AKNA: variants seen among roughly 807,000 people sequenced by gnomAD.
AKNA encodes AT-hook transcription factor.
Under a neutral mutation model 138.8 loss-of-function variants are expected in AKNA, and 67 were observed. The observed-to-expected ratio is 0.48, with a 90% CI of 0.40 to 0.59. The LOEUF is 0.59. Ranked by LOEUF, AKNA falls within the 20% of genes least tolerant of loss-of-function variation. AKNA has a pLI of 0.00. For synonymous variants in AKNA, 737 were observed against 754.4 expected, an observed-to-expected ratio of 0.98 and a Z score of 0.38; for missense variants, 1,813 against 1,880.4, an observed-to-expected ratio of 0.96 and a Z score of 0.66.
downstream of AKNA, chr9:114,330,707 C>T (rs1829836315): frequency 1.9e-6 from 3 of 1,598,166 alleles, 1 homozygote; most frequent in African/African-American, 2.7e-5. Context: ...CTCCACCAGA[C>T]TCTTGCCCCG....
Position 114,337,013 on chromosome 9 carries a change from G to GGGGGGGGGGGGGCGC in AKNA, c.*40_*41insGCGCCCCCCCCCCCC. On this transcript the variant is annotated 3_prime_UTR_variant, in exon 22 of 22. Transcript: ENST00000374088. ...CCACTCCTGGCCTGGCAGGCCACCT[G>GGGGGGGGGGGGGCGC]CCCACCCACCCACCCATCTGCCTCT... is the stretch of plus-strand genomic sequence containing the variant. 1 of 1,185,370 alleles carries GGGGGGGGGGGGGCGC rather than the reference G, an allele frequency of 8.4e-7. No homozygotes were observed. Among genetic ancestry groups the GGGGGGGGGGGGGCGC allele is most frequent in the Non-Finnish European group, 1.1e-6 (1 of 921,704 alleles). 73.4% of individuals were successfully genotyped at this position (1,185,370 alleles called of 1,614,324 possible). A position where few individuals can be genotyped will look rare whatever the true frequency, so the allele number is the denominator to read the frequency against.
chr9:114,365,125 G>A (rs994641657), intron 6 of AKNA, among the ~76,000 whole-genome samples: 4 of 152,038 alleles, frequency 2.6e-5, no homozygotes, highest in African/African-American at 9.7e-5. Flanking sequence ...GCTTATATAC[G>A]ATATACTATC....
At chr9:114,354,809 AAC>A (rs1022218461) in intron 14 of AKNA, among the ~76,000 whole-genome samples, 2 of 152,088 alleles carry the variant, frequency 1.3e-5, no homozygotes, top group African/African-American at 4.8e-5. Context: ...ATAAACCAGT[AAC>A]AGAGTCATTA....
intron 16 of AKNA, 22 bp downstream of exon 16, chr9:114,347,694 GACAGAGGT>G: frequency 6.7e-7 from 1 of 1,500,346 alleles, no homozygotes; most frequent in Non-Finnish European, 8.9e-7. Context: ...CTGCCACCAG[GACAGAGGT>G]GGGAGTTTTG....
chr9:114,337,012 T>TTGGGGGGGGGGGGGGGGGGG lies in AKNA; in HGVS notation c.*41_*42insCCCCCCCCCCCCCCCCCCCA. 28 of 1,208,218 alleles carry TTGGGGGGGGGGGGGGGGGGG rather than the reference T, an allele frequency of 2.3e-5. No homozygotes were observed. Among genetic ancestry groups the TTGGGGGGGGGGGGGGGGGGG allele is most frequent in the Non-Finnish European group, 2.5e-5 (23 of 929,344 alleles). 74.8% of individuals were successfully genotyped at this position (1,208,218 alleles called of 1,614,324 possible). Reference sequence around the variant, plus strand: ...CCCACTCCTGGCCTGGCAGGCCACCTGCCCACCCACCCACCCATCTGCCTC... The same window carrying TTGGGGGGGGGGGGGGGGGGG: ...CCCACTCCTGGCCTGGCAGGCCACCTTGGGGGGGGGGGGGGGGGGGGCCCACCCACCCACCCATCTGCCTC... On this transcript the variant is annotated 3_prime_UTR_variant, in exon 22 of 22. Coordinates refer to ENST00000374088, the MANE Select transcript of AKNA (RefSeq NM_001317950.2).
chr9:114,364,539 G>A (rs1832200144), intron 7 of AKNA, 21 bp downstream of exon 7: 2 of 1,613,332 alleles, frequency 1.2e-6, no homozygotes, highest in East Asian at 2.2e-5. Flanking sequence ...TTCCATGGGT[G>A]GCTCCTGAAT....
upstream of AKNA, chr9:114,396,641 T>G (rs1037647724): frequency 6.7e-6 from 1 of 149,722 alleles, no homozygotes; most frequent in Non-Finnish European, 1.5e-5. Flanking sequence ...ATCGCGCCAC[T>G]GCACTCCAGC....
chr9:114,383,541 G>A (rs1833832834), intron 1 of AKNA, among the ~76,000 whole-genome samples: 1 of 152,168 alleles, frequency 6.6e-6, no homozygotes, highest in Non-Finnish European at 1.5e-5. Flanking sequence ...AGAGGGGAGA[G>A]GCCTTGCCTA....
At position 114,381,210 on chromosome 9, in the gene AKNA, C is replaced by T. The variant is rs1328442005; in HGVS notation, c.124G>A (p.Glu42Lys). 6.2e-7 allele frequency: 1 copy of T among 1,614,194 alleles called. No individual in the cohort carries two copies. The highest frequency in any genetic ancestry group is 8.5e-7 in the Non-Finnish European group (1 of 1,180,018). The change falls in exon 2 of 22, where the codon GAA (glutamate) becomes AAA (lysine). Residue 42 changes from glutamate to lysine, a missense_variant. Physicochemically the swap from Glu to Lys is moderately conservative, Grantham distance 56. Transcript: ENST00000374088. ...GCATTGGGAAAGAGTCTCTCTTCTT[C>T]CCAGCTTTGTGAACTACTTCTATCC... Reference protein sequence around the residue: ...DVDRSSSQSWEEERLFPNATS... With the variant: ...DVDRSSSQSWKEERLFPNATS...
intron 15 of AKNA, chr9:114,348,799 C>T (rs2131834465): frequency 4.4e-6 from 2 of 452,166 alleles, no homozygotes; most frequent in Admixed American, 2.4e-5. Context: ...GAGCCAGGCT[C>T]AGCAAAGCCA....
At position 114,358,111 on chromosome 9, in the gene AKNA, G is replaced by A; in HGVS notation, c.2549C>T (p.Ala850Val). ...MKPPGFQASL[A>V]RDGHMSGLGK... ...CAGGCCTGACATGTGCCCGTCTCTA[G>A]CCAGGGATGCCTGGAAACCTGGTGG... Residue 850 changes from alanine (A) to valine (V), a missense_variant, in exon 12 of 22, where the codon GCT becomes GTT. Coordinates refer to ENST00000374088, the MANE Select transcript of AKNA (RefSeq NM_001317950.2). 1.9e-6 allele frequency: 3 copies of A among 1,614,234 alleles called. No individual in the cohort carries two copies. The highest frequency in any genetic ancestry group is 2.5e-6 in the Non-Finnish European group (3 of 1,180,028).
chr9:114,347,506 T>C (rs1001592954), intron 16 of AKNA, among the ~76,000 whole-genome samples: 2 of 152,232 alleles, frequency 1.3e-5, no homozygotes, highest in Non-Finnish European at 2.9e-5. Context: ...CATGAGCCAC[T>C]GCGCCCGGCC....
Position 114,362,431 on chromosome 9 carries a change from T to C in AKNA, c.1891A>G (p.Thr631Ala). The C allele has an allele frequency of 6.2e-7, 1 of 1,612,280 alleles. No individual in the cohort carries two copies. ...CTGCGAGGATCAAATCTTCCAGGCG[T>C]CCCCTTGGAGCCGGCAAGCGGCTGG... ...PAQPLAGSKG[T>A]PGRFDPRREL... The change falls in exon 8 of 22, where the codon ACG becomes GCG. Residue 631 changes from threonine to alanine, a missense_variant. By Grantham distance (58) the Thr-to-Ala change is moderately conservative. Coordinates refer to ENST00000374088, the MANE Select transcript of AKNA (RefSeq NM_001317950.2).
At chr9:114,373,267 C>T (rs540638184) in intron 4 of AKNA, among the ~76,000 whole-genome samples, 1 of 152,278 alleles carries the variant, frequency 6.6e-6, no homozygotes, top group Admixed American at 6.5e-5. Flanking sequence ...GTGCAGAATT[C>T]ACAGCCTCCT....
At chr9:114,360,873 C>T (rs1044443501) in intron 9 of AKNA, among the ~76,000 whole-genome samples, 1 of 152,188 alleles carries the variant, frequency 6.6e-6, no homozygotes, top group African/African-American at 2.4e-5. Context: ...CAGCCTTCTA[C>T]AAAGCCCCTT....
intron 6 of AKNA, among the ~76,000 whole-genome samples, chr9:114,364,838 T>A (rs1832226515): frequency 6.6e-6 from 1 of 152,140 alleles, no homozygotes; most frequent in Non-Finnish European, 1.5e-5. Context: ...AGGAATTTAC[T>A]GACAACAAAG....
chr9:114,347,725 T>G lies in AKNA; in HGVS notation c.3397A>C (p.Ser1133Arg). The G allele has an allele frequency of 6.6e-7, 1 of 1,520,362 alleles. No homozygotes were observed. Among genetic ancestry groups the G allele is most frequent in the East Asian group, 2.5e-5 (1 of 39,404 alleles). 94.2% of individuals were successfully genotyped at this position (1,520,362 alleles called of 1,614,324 possible). A position where few individuals can be genotyped will look rare whatever the true frequency, so the allele number is the denominator to read the frequency against. Residue 1133 changes from serine (S) to arginine (R), a missense_variant and splice_region_variant, in exon 16 of 22, where the codon AGT becomes CGT. By Grantham distance (110) the Ser-to-Arg change is moderately radical. Transcript: ENST00000374088. ...GGTGGGAGTTTTGAGGTCACCCACC[T>G]GCCATAATGGGAGCCCCAGGTGGCT... is the stretch of plus-strand genomic sequence containing the variant. ...SPATWGSHYG[S>R]KSTERLPGEP... is the part of the protein sequence containing the mutation.
chr9:114,392,055 G>A (rs1299096542), upstream of AKNA, among the ~76,000 whole-genome samples: 2 of 137,912 alleles, frequency 1.5e-5, no homozygotes, highest in East Asian at 2.3e-4. Context: ...GCAGTGAACC[G>A]AGATCATGTC....
chr9:114,337,012 T>TGGGGGGGGGGGCC lies in AKNA; in HGVS notation c.*41_*42insGGCCCCCCCCCCC. 1 of 1,208,224 alleles carries TGGGGGGGGGGGCC rather than the reference T, an allele frequency of 8.3e-7. No individual in the cohort carries two copies. Among genetic ancestry groups the TGGGGGGGGGGGCC allele is most frequent in the Non-Finnish European group, 1.1e-6 (1 of 929,350 alleles). The allele number at this position is 1,208,224 out of a possible 1,614,324, so 74.8% of individuals were successfully genotyped here. A position where few individuals can be genotyped will look rare whatever the true frequency, so the allele number is the denominator to read the frequency against. ...CCCACTCCTGGCCTGGCAGGCCACC[T>TGGGGGGGGGGGCC]GCCCACCCACCCACCCATCTGCCTC... On this transcript the variant is annotated 3_prime_UTR_variant, in exon 22 of 22. Transcript: ENST00000374088.
Sources: allele counts gnomAD v4.1 joint callset (sites outside exome capture counted in the v4.1 genomes callset), GRCh38; gene constraint gnomAD v4.1.1; transcripts MANE v1.5; gene names NCBI Gene and HGNC (gene_info 2026-07-23, HGNC 2026-07-21).